APAF1: variants seen among roughly 807,000 people sequenced by gnomAD.
APAF1 encodes the protein apoptotic peptidase activating factor 1, also known as apoptotic protease-activating factor 1.
A neutral mutation model predicts 152.4 loss-of-function variants in APAF1; 91 were observed. The ratio of observed to expected loss-of-function variants is 0.60; its 90% CI spans 0.50 to 0.71. The LOEUF (loss-of-function observed/expected upper bound fraction) is 0.71. Ranked by LOEUF, APAF1 falls within the 30% of genes least tolerant of loss-of-function variation. APAF1 has a pLI of 0.00. For synonymous variants in APAF1, 484 were observed against 494.1 expected (o/e 0.98, Z 0.27); for missense variants, 1,283 against 1,472.0 (o/e 0.87, Z 2.10).
At position 98,735,052 on chromosome 12, in the gene APAF1, A is replaced by G; in HGVS notation, c.*2486A>G. 2.5e-6 allele frequency: 1 copy of G among 394,272 alleles called. No individual in the cohort carries two copies. Among genetic ancestry groups the G allele is most frequent in the Middle Eastern group, 6.4e-4 (1 of 1,558 alleles). 24.4% of individuals were successfully genotyped at this position (394,272 alleles called of 1,614,324 possible). A position where few individuals can be genotyped will look rare whatever the true frequency, so the allele number is the denominator to read the frequency against. ...TCCTTGAGCCCTGGAGTTTGAGTCC[A>G]GCCTGGGTGACATAGCAAGACCCTG... On this transcript the variant is annotated 3_prime_UTR_variant, in exon 27 of 27. Coordinates refer to ENST00000551964, the MANE Select transcript of APAF1 (RefSeq NM_181861.2).
Position 98,665,453 on chromosome 12 carries a change from C to A in APAF1, c.956-100C>A, listed in dbSNP as rs531658812. On this transcript the variant is annotated intron_variant, in intron 7 of 26. Transcript: ENST00000551964. ...AATACTTAAGGCTTTTGATAACATGCAGCAGAAATTGTTTCTTAGTAATGT... is the reference window on the plus strand; with the variant it reads ...AATACTTAAGGCTTTTGATAACATGAAGCAGAAATTGTTTCTTAGTAATGT... 7 of 836,700 alleles carry A rather than the reference C, an allele frequency of 8.4e-6. No homozygotes were observed. In the East Asian group the frequency reaches 1.5e-4, roughly 17 times the overall value. 51.8% of individuals were successfully genotyped at this position (836,700 alleles called of 1,614,324 possible).
intron 21 of APAF1, among the ~76,000 whole-genome samples, chr12:98,714,833 C>CT (rs67353662): frequency 0.013 from 1,823 of 140,214 alleles, 12 homozygotes; most frequent in Non-Finnish European, 0.017. Context: ...ATTTGAAAGC[C>CT]TTTTTTTTTC....
At chr12:98,716,145 T>TTTTAGC (rs1265671123) in intron 22 of APAF1, among the ~76,000 whole-genome samples, 2 of 152,204 alleles carry the variant, frequency 1.3e-5, no homozygotes, top group African/African-American at 2.4e-5. Context: ...GAGGCACCAC[T>TTTTAGC]TTTAGCTTTT....
intron 10 of APAF1, among the ~76,000 whole-genome samples, chr12:98,668,609 T>C (rs903748049): frequency 7.9e-5 from 12 of 152,256 alleles, no homozygotes; most frequent in Middle Eastern, 3.4e-3. Context: ...AGAATCATCA[T>C]GATTTGCTTA....
At chr12:98,680,159 A>G (rs1323975009) in intron 13 of APAF1, 118 bp from the exon 14 acceptor site, 2 of 1,056,148 alleles carry the variant, frequency 1.9e-6, no homozygotes, top group Non-Finnish European at 2.7e-6. Flanking sequence ...TAGCTTTGCC[A>G]AGGTTCCTTT....
Position 98,735,348 on chromosome 12 carries a change from GA to G in APAF1, c.*2783del, listed in dbSNP as rs1333476528. Reference sequence around the variant, plus strand: ...CTTGTATTTATGATATAGCTTATATGATTTTTTTGCCTTGGTATACATTTTA... The same window carrying G: ...CTTGTATTTATGATATAGCTTATATGTTTTTTTGCCTTGGTATACATTTTA... On this transcript the variant is annotated 3_prime_UTR_variant, in exon 27 of 27. Transcript: ENST00000551964. 1 of 420,114 alleles carries G rather than the reference GA, an allele frequency of 2.4e-6. No homozygotes were observed. The highest frequency in any genetic ancestry group is 4.2e-6 in the Non-Finnish European group (1 of 237,176). The allele number at this position is 420,114 out of a possible 1,614,324, so 26.0% of individuals were successfully genotyped here. A position where few individuals can be genotyped will look rare whatever the true frequency, so the allele number is the denominator to read the frequency against.
chr12:98,726,410 G>A (rs1180182322), intron 25 of APAF1: 2 of 152,224 alleles, frequency 1.3e-5, no homozygotes, highest in Non-Finnish European at 2.9e-5. Flanking sequence ...GAGGAAGATG[G>A]GGTTTTCCCC....
chr12:98,729,743 A>G (rs562427138), intron 26 of APAF1, among the ~76,000 whole-genome samples: 59 of 152,356 alleles, frequency 3.9e-4, no homozygotes, highest in African/African-American at 1.4e-3. Context: ...GTGTTTGGAA[A>G]TATTTGAATG....
intron 10 of APAF1, 34 bp downstream of exon 10, chr12:98,667,678 A>T: frequency 6.2e-7 from 1 of 1,605,956 alleles, no homozygotes; most frequent in Non-Finnish European, 8.5e-7. Flanking sequence ...CTTTTATCTG[A>T]CTTCCCTTTT....
At chr12:98,707,719 A>AT (rs1593094602) in intron 19 of APAF1, among the ~76,000 whole-genome samples, 3 of 133,800 alleles carry the variant, frequency 2.2e-5, no homozygotes, top group East Asian at 2.8e-4. Flanking sequence ...TATACATATA[A>AT]ATTTACTAAT....
intron 5 of APAF1, among the ~76,000 whole-genome samples, chr12:98,660,126 G>C (rs1213643350): frequency 6.6e-6 from 1 of 152,146 alleles, no homozygotes; most frequent in Non-Finnish European, 1.5e-5. Context: ...TGGATAGTTT[G>C]CTTGAGTCCA....
At chr12:98,668,807 A>G (rs951165338) in intron 10 of APAF1, among the ~76,000 whole-genome samples, 3 of 152,160 alleles carry the variant, frequency 2.0e-5, no homozygotes, top group Non-Finnish European at 4.4e-5. Context: ...AGTCTGATAT[A>G]CCTATTAAGG....
chr12:98,726,169 T>C (rs2097750287), intron 25 of APAF1, among the ~76,000 whole-genome samples: 1 of 152,176 alleles, frequency 6.6e-6, no homozygotes, highest in African/African-American at 2.4e-5. Flanking sequence ...TAGAAAACAA[T>C]CTATTTTTTT....
intron 4 of APAF1, among the ~76,000 whole-genome samples, chr12:98,654,816 C>CTTTTTTTTTTTTTTTTTTTATTTTT (rs2097654340): frequency 8.6e-6 from 1 of 116,790 alleles, no homozygotes; most frequent in African/African-American, 3.3e-5. Context: ...GTAGTATTTT[C>CTTTTTTTTTTTTTTTTTTTATTTTT]TTTTTTTTTT....
At chr12:98,648,232 C>G (rs1415788261) in intron 1 of APAF1, 87 bp from the exon 2 acceptor site, 2 of 1,292,662 alleles carry the variant, frequency 1.5e-6, no homozygotes, top group African/African-American at 3.0e-5. Flanking sequence ...CAGTTTTGTT[C>G]TTTTTACGTT....
intron 5 of APAF1, among the ~76,000 whole-genome samples, chr12:98,659,922 T>C (rs868336760): frequency 1.2e-4 from 18 of 152,190 alleles, no homozygotes; most frequent in Admixed American, 9.8e-4. Context: ...ATTGTAGGCT[T>C]TCAGGAAATG....
rs1409349806 is a variant in APAF1, at chr12:98,666,301, T to C, written c.1306T>C (p.Tyr436His). The stretch of plus-strand genomic sequence containing the variant: ...TCGGAATGGAAAGTCGTTTCGTTAT[T>C]ATTTACATGATCTTCAAGTAGATTT... The part of the protein sequence containing the change: ...CDRNGKSFRY[Y>H]LHDLQVDFLT... The change falls in exon 9 of 27, where the codon TAT becomes CAT. Residue 436 changes from tyrosine to histidine, a missense_variant. Coordinates refer to ENST00000551964, the MANE Select transcript of APAF1 (RefSeq NM_181861.2). The C allele has an allele frequency of 6.2e-7, 1 of 1,613,882 alleles. No homozygotes were observed. The highest frequency in any genetic ancestry group is 2.2e-5 in the East Asian group (1 of 44,848).
chr12:98,712,062 G>A lies in APAF1; in HGVS notation c.2842-257G>A, dbSNP rs557251961. Reference sequence around the variant, plus strand: ...GATAGATGTGTCTCAGGTGGCGGGCGCAGCAGCTGCTTTTTAAACCTTGTA... The same window carrying A: ...GATAGATGTGTCTCAGGTGGCGGGCACAGCAGCTGCTTTTTAAACCTTGTA... On this transcript the variant is annotated intron_variant, in intron 20 of 26. Coordinates refer to ENST00000551964, the MANE Select transcript of APAF1 (RefSeq NM_181861.2). 1.4e-4 allele frequency among the ~76,000 whole-genome samples: 22 copies of A among 152,306 alleles called. No homozygotes were observed. The South Asian group carries it at 1.9e-3, about 13-fold the overall frequency.
intron 16 of APAF1, among the ~76,000 whole-genome samples, chr12:98,689,495 T>TGTGTGTGTGA (rs142801463): frequency 1.3e-5 from 2 of 150,992 alleles, no homozygotes; most frequent in African/African-American, 4.9e-5. Flanking sequence ...TGTGTGTGTG[T>TGTGTGTGTGA]GAGAGAGAGA....
Sources: allele counts gnomAD v4.1 joint callset (sites outside exome capture counted in the v4.1 genomes callset), GRCh38; gene constraint gnomAD v4.1.1; transcripts MANE v1.5; gene names NCBI Gene and HGNC (gene_info 2026-07-23, HGNC 2026-07-21).